SYN3: variants seen among roughly 807,000 people sequenced by gnomAD.
SYN3 encodes the protein synapsin III.
Under a neutral mutation model 65.8 loss-of-function variants are expected in SYN3, and 35 were observed. That is an observed-to-expected ratio of 0.53 (90% CI 0.41 to 0.70). The LOEUF is 0.70. Ranked by LOEUF, SYN3 falls within the 30% of genes least tolerant of loss-of-function variation. The pLI is 0.00. For missense variants in SYN3, 680 were observed against 749.0 expected, an observed-to-expected ratio of 0.91 and a Z score of 1.08; for synonymous variants, 270 against 292.9, an observed-to-expected ratio of 0.92 and a Z score of 0.80.
intron 6 of SYN3, among the ~76,000 whole-genome samples, chr22:32,721,223 G>A (rs560062785): frequency 1.3e-5 from 2 of 152,172 alleles, no homozygotes; most frequent in African/African-American, 4.8e-5. Flanking sequence ...TGGGCAGGCA[G>A]CTGCTGCTGC....
At chr22:32,541,220 A>G (rs978828457) in intron 8 of SYN3, among the ~76,000 whole-genome samples, 1 of 152,202 alleles carries the variant, frequency 6.6e-6, no homozygotes, top group Non-Finnish European at 1.5e-5. Flanking sequence ...TCAGAAGAGA[A>G]GAGAAAAATA....
intron 6 of SYN3, among the ~76,000 whole-genome samples, chr22:32,627,623 T>G (rs2059686760): frequency 6.6e-6 from 1 of 151,942 alleles, no homozygotes; most frequent in African/African-American, 2.4e-5. Flanking sequence ...CATACACACA[T>G]GTAGGAGTAT....
chr22:32,615,454 A>C (rs1445282057), intron 6 of SYN3, among the ~76,000 whole-genome samples: 2 of 151,322 alleles, frequency 1.3e-5, no homozygotes, highest in Admixed American at 1.3e-4. Context: ...AAAAAAAAGA[A>C]AAAAAGAAAG....
chr22:32,513,460 A>G lies in SYN3; in HGVS notation c.*232T>C. 1 of 483,346 alleles carries G rather than the reference A, an allele frequency of 2.1e-6. No individual in the cohort carries two copies. Among genetic ancestry groups the G allele is most frequent in the African/African-American group, 1.9e-5 (1 of 51,938 alleles). 29.9% of individuals were successfully genotyped at this position (483,346 alleles called of 1,614,324 possible). On this transcript the variant is annotated 3_prime_UTR_variant, in exon 14 of 14. Coordinates refer to ENST00000358763, the MANE Select transcript of SYN3 (RefSeq NM_003490.4). ...ATGCCCATCGCTCAGGCCTGTTTTGAGGAACCTGGAGGCTCTCAAAGGCCC... is the reference window on the plus strand; with the variant it reads ...ATGCCCATCGCTCAGGCCTGTTTTGGGGAACCTGGAGGCTCTCAAAGGCCC...
chr22:32,713,924 T>C (rs1026629342), intron 6 of SYN3, among the ~76,000 whole-genome samples: 1 of 152,150 alleles, frequency 6.6e-6, no homozygotes, highest in African/African-American at 2.4e-5. Context: ...AAAATGCTAC[T>C]GTACAAATCC....
At chr22:32,557,532 C>T (rs1455028975) in intron 7 of SYN3, among the ~76,000 whole-genome samples, 1 of 152,210 alleles carries the variant, frequency 6.6e-6, no homozygotes, top group African/African-American at 2.4e-5. Flanking sequence ...CATGTATTAT[C>T]TCAGTTAATC....
At chr22:32,800,399 G>A (rs1295596507) in intron 6 of SYN3, among the ~76,000 whole-genome samples, 3 of 152,186 alleles carry the variant, frequency 2.0e-5, no homozygotes, top group Non-Finnish European at 2.9e-5. Flanking sequence ...AAGGGGTGAC[G>A]AGTTCCTGGC....
intron 7 of SYN3, among the ~76,000 whole-genome samples, chr22:32,583,704 G>C (rs1367983211): frequency 6.6e-6 from 1 of 152,170 alleles, no homozygotes; most frequent in Non-Finnish European, 1.5e-5. Context: ...CAGAAATATA[G>C]TTCTATTAAG....
chr22:32,572,732 G>A (rs1188850263), intron 7 of SYN3, among the ~76,000 whole-genome samples: 2 of 151,928 alleles, frequency 1.3e-5, no homozygotes, highest in Non-Finnish European at 2.9e-5. Flanking sequence ...ATAGATGGGA[G>A]CCACTATATC....
intron 6 of SYN3, among the ~76,000 whole-genome samples, chr22:32,598,692 G>C (rs533483134): frequency 6.6e-6 from 1 of 152,020 alleles, no homozygotes; most frequent in South Asian, 2.1e-4. Context: ...CGCTATGTTG[G>C]TCAGGCTGAT....
chr22:32,556,342 AT>A (rs2058494983), intron 7 of SYN3, among the ~76,000 whole-genome samples: 1 of 152,128 alleles, frequency 6.6e-6, no homozygotes, highest in Admixed American at 6.5e-5. Context: ...CATTACCCTC[AT>A]TTCCTCTCCC....
At chr22:33,040,131 TTTTTTGTATTTTTAATATATA>T (rs1354347994) in intron 1 of SYN3, among the ~76,000 whole-genome samples, 3 of 113,306 alleles carry the variant, frequency 2.6e-5, no homozygotes, top group Non-Finnish European at 7.0e-5. Flanking sequence ...CCAGCTAATT[TTTTTTGTATTTTTAATATATA>T]TTTTTTGTAT....
At chr22:32,821,568 T>G (rs554266798) in intron 6 of SYN3, among the ~76,000 whole-genome samples, 6 of 152,332 alleles carry the variant, frequency 3.9e-5, no homozygotes, top group South Asian at 2.1e-4. Context: ...GTCTTCAGGC[T>G]GGTTCTGAAA....
intron 4 of SYN3, among the ~76,000 whole-genome samples, chr22:32,914,430 CAT>C (rs2050136256): frequency 7.3e-6 from 1 of 137,028 alleles, no homozygotes. Flanking sequence ...CAGGCCCTAT[CAT>C]GTGGAGTTTT....
intron 6 of SYN3, among the ~76,000 whole-genome samples, chr22:32,773,736 C>A (rs2045835394): frequency 6.6e-6 from 1 of 152,124 alleles, no homozygotes; most frequent in African/African-American, 2.4e-5. Flanking sequence ...ATAAGAGGAT[C>A]ATGGTCAAGT....
intron 6 of SYN3, among the ~76,000 whole-genome samples, chr22:32,618,374 T>C (rs903692748): frequency 6.6e-6 from 1 of 152,068 alleles, no homozygotes; most frequent in African/African-American, 2.4e-5. Flanking sequence ...TGAAAGTGGA[T>C]GGGAACAAAC....
intron 6 of SYN3, among the ~76,000 whole-genome samples, chr22:32,830,468 T>C (rs750434340): frequency 9.2e-5 from 14 of 152,196 alleles, no homozygotes; most frequent in Non-Finnish European, 1.6e-4. Flanking sequence ...CAAGTGCTCA[T>C]GTCTTTGCCC....
intron 6 of SYN3, among the ~76,000 whole-genome samples, chr22:32,601,282 C>CTTT (rs67325525): frequency 1.4e-5 from 2 of 146,278 alleles, no homozygotes; most frequent in Non-Finnish European, 3.0e-5. Context: ...TTTTTTCTTT[C>CTTT]TTTTTTTTTT....
chr22:32,779,317 G>C (rs960478593), intron 6 of SYN3, among the ~76,000 whole-genome samples: 9 of 152,056 alleles, frequency 5.9e-5, no homozygotes, highest in African/African-American at 2.2e-4. Flanking sequence ...CAAATTAGCC[G>C]GGCATGATGG....
Sources: allele counts gnomAD v4.1 joint callset (sites outside exome capture counted in the v4.1 genomes callset), GRCh38; gene constraint gnomAD v4.1.1; transcripts MANE v1.5; gene names NCBI Gene and HGNC (gene_info 2026-07-23, HGNC 2026-07-21).